The following ZNF717 variants were observed in gnomAD, a reference collection of about 807,000 sequenced individuals.
ZNF717 encodes krueppel-like factor X17.
A neutral mutation model predicts 13.8 loss-of-function variants in ZNF717; 9 were observed. The ratio of observed to expected loss-of-function variants is 0.65; its 90% confidence interval spans 0.39 to 1.14. The LOEUF (loss-of-function observed/expected upper bound fraction) is 1.14. Ranked by LOEUF, ZNF717 falls within the 50% of genes most tolerant of loss-of-function variation. ZNF717 has a pLI of 0.01. For missense variants in ZNF717, 1,040 were observed against 1,080.7 expected (o/e 0.96, Z 0.53); for synonymous variants, 327 against 364.1 (o/e 0.90, Z 1.16).
At chr3:75,741,020 T>C (rs1053813418) in intron 4 of ZNF717, among the ~76,000 whole-genome samples, 2 of 151,956 alleles carry the variant, frequency 1.3e-5, no homozygotes, top group East Asian at 1.9e-4. Context: ...AGAAAATAAA[T>C]AGCAGAGAAA....
Position 75,722,117 on chromosome 3 carries a change from G to A in ZNF717, n.545-5576C>T, listed in dbSNP as rs1486207144. Among the ~76,000 whole-genome samples, 4 of 150,550 alleles carry A rather than the reference G, an allele frequency of 2.7e-5. No homozygotes were observed. In the East Asian group the frequency reaches 5.9e-4, roughly 22 times the overall value. On this transcript the variant is annotated intron_variant and non_coding_transcript_variant, in intron 4 of 5. Transcript: ENST00000491507. The stretch of plus-strand genomic sequence containing the variant: ...AAAAAAAAAAAAAAAAAAATTAGCT[G>A]GGCGTGGTGGTGGGCGCCTGTAGTC...
intron 2 of ZNF717, among the ~76,000 whole-genome samples, chr3:75,766,501 A>T (rs149977398): frequency 6.6e-6 from 1 of 152,230 alleles, no homozygotes; most frequent in Admixed American, 6.5e-5. Flanking sequence ...TGTGCCTCAA[A>T]GTGCACACAA....
chr3:75,712,309 T>C (rs1338398029), intron 5 of ZNF717, among the ~76,000 whole-genome samples: 1 of 152,272 alleles, frequency 6.6e-6, no homozygotes, highest in Admixed American at 6.5e-5. Context: ...GAATTAAAAC[T>C]CAAAACCTCT....
chr3:75,747,788 C>A (rs1941317325), intron 2 of ZNF717, among the ~76,000 whole-genome samples: 2 of 152,020 alleles, frequency 1.3e-5, no homozygotes, highest in Admixed American at 1.3e-4. Flanking sequence ...TCTAGATATA[C>A]AAACATGTCA....
At chr3:75,702,000 T>C (rs1441013647) in intron 6 of ZNF717, among the ~76,000 whole-genome samples, 7 of 152,332 alleles carry the variant, frequency 4.6e-5, no homozygotes, top group African/African-American at 1.7e-4. Flanking sequence ...TTGGTGAGTA[T>C]GTGGAGTGAA....
downstream of ZNF717, among the ~76,000 whole-genome samples, chr3:75,731,084 T>C (rs1344980597): frequency 1.3e-5 from 2 of 151,826 alleles, no homozygotes; most frequent in East Asian, 3.9e-4. Flanking sequence ...CTACTAAAAA[T>C]ACAAAAATTA....
chr3:75,778,018 A>G (rs1944471978), intron 2 of ZNF717, among the ~76,000 whole-genome samples: 1 of 151,676 alleles, frequency 6.6e-6, no homozygotes, highest in Non-Finnish European at 1.5e-5. Context: ...GAAACCAAAA[A>G]CAATGGGAGT....
chr3:75,777,498 G>T (rs1180497947), intron 2 of ZNF717, among the ~76,000 whole-genome samples: 1 of 151,860 alleles, frequency 6.6e-6, no homozygotes, highest in Admixed American at 6.6e-5. Context: ...CAAAACAATG[G>T]GAGTGATGTG....
downstream of ZNF717, chr3:75,732,059 C>T (rs1290097897): frequency 7.1e-6 from 5 of 702,920 alleles, no homozygotes; most frequent in Non-Finnish European, 1.3e-5. Flanking sequence ...GTAAAATTTA[C>T]CTCCTGGAGC....
chr3:75,777,005 T>C (rs1944371430), intron 2 of ZNF717, among the ~76,000 whole-genome samples: 1 of 152,376 alleles, frequency 6.6e-6, no homozygotes, highest in East Asian at 1.9e-4. Context: ...AAGGAGCATA[T>C]GCCAAATTCT....
intron 2 of ZNF717, among the ~76,000 whole-genome samples, chr3:75,759,713 T>G (rs1434182841): frequency 1.3e-5 from 2 of 151,964 alleles, no homozygotes; most frequent in East Asian, 1.9e-4. Flanking sequence ...GGACTACAGA[T>G]GCATACTATC....
downstream of ZNF717, among the ~76,000 whole-genome samples, chr3:75,726,944 A>AT (rs1938293800): frequency 7.0e-6 from 1 of 142,100 alleles, no homozygotes; most frequent in African/African-American, 2.6e-5. Flanking sequence ...ATTTTAATCA[A>AT]TAATGAACCA....
At chr3:75,707,337 T>C (rs1575714076), downstream of ZNF717, among the ~76,000 whole-genome samples, 1 of 152,232 alleles carries the variant, frequency 6.6e-6, no homozygotes, top group African/African-American at 2.4e-5. Context: ...AAAAGCCTAA[T>C]GGCAAGTACA....
chr3:75,726,991 T>TATA (rs1938294641), downstream of ZNF717, among the ~76,000 whole-genome samples: 2 of 152,168 alleles, frequency 1.3e-5, no homozygotes, highest in African/African-American at 4.8e-5. Flanking sequence ...TATAAACACA[T>TATA]GTAGAAACCT....
intron 5 of ZNF717, among the ~76,000 whole-genome samples, chr3:75,714,060 G>C (rs1937999797): frequency 6.6e-6 from 1 of 152,258 alleles, no homozygotes; most frequent in East Asian, 1.9e-4. Flanking sequence ...CTAACTAAAA[G>C]GTGAGCCAGG....
chr3:75,709,409 T>A (rs9844970), downstream of ZNF717, among the ~76,000 whole-genome samples: 1 of 151,774 alleles, frequency 6.6e-6, no homozygotes, highest in Non-Finnish European at 1.5e-5. Context: ...GATCCAGTCA[T>A]GTCCCCAGGC....
At chr3:75,717,217 G>C (rs1434119744) in intron 4 of ZNF717, among the ~76,000 whole-genome samples, 1 of 152,216 alleles carries the variant, frequency 6.6e-6, no homozygotes, top group Non-Finnish European at 1.5e-5. Flanking sequence ...AAAGAAAAGG[G>C]ACAAAACTGA....
exon 6 of ZNF717, chr3:75,710,730 A>C (rs1168678160): frequency 1.2e-4 from 18 of 152,186 alleles, no homozygotes; most frequent in African/African-American, 4.1e-4. Context: ...CTTTAGTAAC[A>C]GAGCAGCTTT....
downstream of ZNF717, among the ~76,000 whole-genome samples, chr3:75,731,709 T>A (rs1388684573): frequency 1.7e-4 from 26 of 152,210 alleles, no homozygotes; most frequent in African/African-American, 6.3e-4. Flanking sequence ...GTCCAGGAGT[T>A]TGAGACCAGC....
Sources: gnomAD v4.1 joint callset for allele counts (sites outside exome capture counted in the v4.1 genomes callset) on GRCh38, gnomAD v4.1.1 for gene constraint, MANE v1.5 for transcripts, NCBI Gene and HGNC (gene_info 2026-07-23, HGNC 2026-07-21) for gene names.